Variants in MAP3K15 observed in about 807,000 individuals in gnomAD.
MAP3K15 encodes the protein MAPK/ERK kinase kinase 15.
In MAP3K15, 124 loss-of-function variants were observed where a neutral mutation model predicts 99.5. The ratio of observed to expected loss-of-function variants is 1.25; its 90% CI spans 1.08 to 1.45. The LOEUF (loss-of-function observed/expected upper bound fraction) is 1.45, where lower values mean the gene tolerates loss of function less well. Among genes scored for constraint, MAP3K15 ranks in the 40% most tolerant of loss-of-function variants. MAP3K15 has a pLI of 0.00. For synonymous variants in MAP3K15, 494 were observed against 439.6 expected (o/e 1.12, Z -1.55); for missense variants, 1,242 against 1,079.7 (o/e 1.15, Z -2.11).
chrX:19,444,985 A>C (rs914488000), intron 6 of MAP3K15, among the ~76,000 whole-genome samples: 4 of 110,289 alleles, frequency 3.6e-5, no homozygotes, highest in African/African-American at 1.3e-4. Flanking sequence ...GTTAGTGGAT[A>C]GGTCCCCAGC....
intron 3 of MAP3K15, among the ~76,000 whole-genome samples, chrX:19,473,466 G>A (rs777567136): frequency 1.8e-3 from 202 of 112,421 alleles, no homozygotes; most frequent in Non-Finnish European, 2.5e-3. Context: ...ATTTGTAGTT[G>A]TTACATTTAT....
intron 9 of MAP3K15, among the ~76,000 whole-genome samples, chrX:19,417,786 A>G (rs2063748824): frequency 9.0e-6 from 1 of 111,463 alleles, no homozygotes; most frequent in Non-Finnish European, 1.9e-5. Flanking sequence ...ACTGGGAGGC[A>G]CCCCCCAGTA....
Position 19,466,177 on chromosome X carries a change from A to G in MAP3K15, c.526-1771T>C, listed in dbSNP as rs188875999. Among the ~76,000 whole-genome samples the G allele has an allele frequency of 3.5e-4, 39 of 111,305 alleles. No homozygotes were observed. In the Admixed American group the frequency reaches 3.7e-3, roughly 10 times the overall value. On this transcript the variant is annotated intron_variant, in intron 3 of 28. Transcript: ENST00000338883. ...ATCATTCAGCATTAAGGTTTTGGTA[A>G]GTTAGAGGTAAATTTCTCCCTCATC...
intron 6 of MAP3K15, among the ~76,000 whole-genome samples, chrX:19,432,726 T>TG (rs1408610888): frequency 9.4e-6 from 1 of 106,857 alleles, no homozygotes; most frequent in African/African-American, 3.6e-5. Flanking sequence ...TTAACCTTTT[T>TG]TTTTTTTTTG....
At chrX:19,428,273 G>A (rs1287428295) in intron 7 of MAP3K15, among the ~76,000 whole-genome samples, 3 of 111,695 alleles carry the variant, frequency 2.7e-5, no homozygotes, top group Non-Finnish European at 5.6e-5. Context: ...TGCACCTACC[G>A]CCACCACCTT....
intron 7 of MAP3K15, among the ~76,000 whole-genome samples, chrX:19,427,322 A>G (rs1356434063): frequency 2.7e-5 from 3 of 111,363 alleles, no homozygotes; most frequent in South Asian, 3.8e-4. Flanking sequence ...CCTTGTTTCT[A>G]AAGTTGGATT....
rs941616234 is a variant in MAP3K15, at chrX:19,422,320, C to A, written c.1439+3211G>T. 3.8e-3 allele frequency among the ~76,000 whole-genome samples: 423 copies of A among 111,196 alleles called. 3 individuals carry two copies. The highest frequency in any genetic ancestry group is 0.013 in the African/African-American group (394 of 30,574). On this transcript the variant is annotated intron_variant, in intron 9 of 28. Transcript: ENST00000338883. The stretch of plus-strand genomic sequence containing the variant: ...AATATCCAGAATCTACAATAAACTC[C>A]AACAAATTTACAAGAAAAAAACAAA...
In MAP3K15 at chrX:19,388,111, G is replaced by C. The variant is rs188981408; in HGVS notation, c.2431+3891C>G. 2.0e-4 allele frequency among the ~76,000 whole-genome samples: 22 copies of C among 112,602 alleles called. No homozygotes were observed. The East Asian group carries it at 6.2e-3, about 31-fold the overall frequency. Reference sequence around the variant, plus strand: ...GCTGCCTGCAGGGAGACGGGAGAGGGGTCTGACTTTTGAATGAGGACCAGA... The same window carrying C: ...GCTGCCTGCAGGGAGACGGGAGAGGCGTCTGACTTTTGAATGAGGACCAGA... On this transcript the variant is annotated intron_variant, in intron 18 of 28. Transcript: ENST00000338883.
At position 19,426,325 on chromosome X, in the gene MAP3K15, T is replaced by G. The variant is rs757508384; in HGVS notation, c.1185A>C (p.Glu395Asp). The G allele has an allele frequency of 2.4e-5, 27 of 1,122,481 alleles. No individual in the cohort carries two copies. The highest frequency in any genetic ancestry group is 2.9e-5 in the Non-Finnish European group (25 of 847,677). 92.5% of individuals were successfully genotyped at this position (1,122,481 alleles called of 1,213,427 possible). The change falls in exon 8 of 29, where the codon GAA becomes GAC. Residue 395 changes from glutamate (E) to aspartate (D), a missense_variant. Physicochemically the swap from Glu to Asp is conservative, Grantham distance 45. Coordinates refer to ENST00000338883, the MANE Select transcript of MAP3K15 (RefSeq NM_001001671.4). ...TTCCCGAATAGAGGGATGACTGGAG[T>G]TCAAACCCTTTGCGATACCTATAAT... is the stretch of plus-strand genomic sequence containing the variant. ...SAIEWYRKGF[E>D]LQSSLYSGIN...
intron 6 of MAP3K15, among the ~76,000 whole-genome samples, chrX:19,454,970 T>C (rs2064081497): frequency 8.9e-6 from 1 of 112,151 alleles, no homozygotes; most frequent in Non-Finnish European, 1.9e-5. Context: ...AGATTAGAGA[T>C]GCTCAATGTG....
intron 3 of MAP3K15, among the ~76,000 whole-genome samples, chrX:19,473,172 T>C (rs2064219044): frequency 8.9e-6 from 1 of 112,216 alleles, no homozygotes; most frequent in South Asian, 3.7e-4. Context: ...TCCGGAGACT[T>C]TGGGAAGGTA....
At chrX:19,419,580 A>G (rs2147290111) in intron 9 of MAP3K15, among the ~76,000 whole-genome samples, 1 of 111,155 alleles carries the variant, frequency 9.0e-6, no homozygotes, top group Non-Finnish European at 1.9e-5. Context: ...ACTCCCACAC[A>G]ATAATAATGG....
At chrX:19,421,322 T>G (rs13112113) in intron 9 of MAP3K15, among the ~76,000 whole-genome samples, 1 of 111,547 alleles carries the variant, frequency 9.0e-6, no homozygotes, top group Non-Finnish European at 1.9e-5. Context: ...ATAAGCAACT[T>G]CAGCAAAGTC....
chrX:19,426,707 C>T (rs2063832820), intron 7 of MAP3K15, among the ~76,000 whole-genome samples: 1 of 106,574 alleles, frequency 9.4e-6, no homozygotes, highest in Admixed American at 1.0e-4. Flanking sequence ...ATCCCAGCTA[C>T]TCGGGAGGCT....
intron 1 of MAP3K15, among the ~76,000 whole-genome samples, chrX:19,513,797 CGTCACCCAGGTGACAGAGGTTT>C (rs2064537226): frequency 9.0e-6 from 1 of 111,574 alleles, no homozygotes; most frequent in East Asian, 2.8e-4. Flanking sequence ...TGCTTCTGAA[CGTCACCCAGGTGACAGAGGTTT>C]GTCACCAAAG....
At chrX:19,442,694 T>TA (rs775625222) in intron 6 of MAP3K15, among the ~76,000 whole-genome samples, 37 of 101,276 alleles carry the variant, frequency 3.7e-4, no homozygotes, top group African/African-American at 1.4e-3. Flanking sequence ...TGGCTTTTAT[T>TA]TTATTATTAT....
intron 1 of MAP3K15, among the ~76,000 whole-genome samples, chrX:19,506,417 T>C (rs1025971813): frequency 1.8e-5 from 2 of 112,196 alleles, no homozygotes; most frequent in African/African-American, 6.5e-5. Context: ...CCACACTTTA[T>C]ACCCCACAAT....
chrX:19,460,171 C>T lies in MAP3K15; in HGVS notation c.720-18G>A, dbSNP rs1377032759. The T allele has an allele frequency of 4.4e-6, 5 of 1,123,891 alleles. No homozygotes were observed. The highest frequency in any genetic ancestry group is 5.9e-6 in the Non-Finnish European group (5 of 845,491). 92.6% of individuals were successfully genotyped at this position (1,123,891 alleles called of 1,213,427 possible). On this transcript the variant is annotated intron_variant, in intron 4 of 28. Coordinates refer to ENST00000338883, the MANE Select transcript of MAP3K15 (RefSeq NM_001001671.4). ...AATAAACACTATAGAAAGAAAAACA[C>T]AAAATCCTCCAGTCACATCTGCACG...
At chrX:19,373,730 C>A (rs1354969841) in intron 20 of MAP3K15, 35 bp from the exon 21 acceptor site, 1 of 1,181,143 alleles carries the variant, frequency 8.5e-7, no homozygotes, top group South Asian at 1.8e-5. Context: ...AATGGGGAGA[C>A]TCAGAGAGGG....
Sources: gnomAD v4.1 joint callset for allele counts (sites outside exome capture counted in the v4.1 genomes callset) on GRCh38, gnomAD v4.1.1 for gene constraint, MANE v1.5 for transcripts, NCBI Gene and HGNC (gene_info 2026-07-23, HGNC 2026-07-21) for gene names.